The following ABTB3 variants were observed in gnomAD, a reference collection of about 807,000 sequenced individuals.
ABTB3 encodes the protein ankyrin repeat- and BTB/POZ domain-containing protein 3.
the ABTB3 span, among the ~76,000 whole-genome samples, chr12:107,495,218 G>C: frequency 6.6e-6 from 1 of 152,182 alleles, no homozygotes; most frequent in African/African-American, 2.4e-5. Flanking sequence ...GTTACATTTG[G>C]CCTTAGCATC....
At chr12:107,475,133 C>T in the ABTB3 span, among the ~76,000 whole-genome samples, 14 of 152,224 alleles carry the variant, frequency 9.2e-5, no homozygotes, top group African/African-American at 3.1e-4. Flanking sequence ...GCCTGGCTGC[C>T]TCTGGCTGCT....
At chr12:107,351,024 A>G in the ABTB3 span, among the ~76,000 whole-genome samples, 2 of 152,144 alleles carry the variant, frequency 1.3e-5, no homozygotes. Context: ...TTTGCTAGTA[A>G]GATTGGAAAC....
At chr12:107,377,388 TGAGAGAGAGA>T in the ABTB3 span, among the ~76,000 whole-genome samples, 2 of 140,382 alleles carry the variant, frequency 1.4e-5, no homozygotes, top group Non-Finnish European at 3.1e-5. Context: ...AACACTTCCT[TGAGAGAGAGA>T]GAGAGAGAGA....
the ABTB3 span, among the ~76,000 whole-genome samples, chr12:107,484,175 G>C: frequency 3.8e-3 from 576 of 152,300 alleles, 5 homozygotes; most frequent in African/African-American, 0.013. Flanking sequence ...TATATTAAGT[G>C]AAATAGATAG....
At chr12:107,596,299 A>G in the ABTB3 span, among the ~76,000 whole-genome samples, 1 of 152,214 alleles carries the variant, frequency 6.6e-6, no homozygotes, top group East Asian at 1.9e-4. Flanking sequence ...AGAACTGAGC[A>G]AGTGTATGCC....
the ABTB3 span, among the ~76,000 whole-genome samples, chr12:107,648,770 C>T: frequency 1.3e-3 from 191 of 152,046 alleles, 4 homozygotes; most frequent in Non-Finnish European, 1.8e-4. Flanking sequence ...GGGCCATGTT[C>T]GCAGGGGAAC....
At chr12:107,367,141 A>G in the ABTB3 span, among the ~76,000 whole-genome samples, 1,234 of 152,280 alleles carry the variant, frequency 8.1e-3, 7 homozygotes, top group Middle Eastern at 0.027. Flanking sequence ...CTTTATTGGA[A>G]GGTGCCTTCC....
chr12:107,318,821 A>C, the ABTB3 span: 2 of 1,113,356 alleles, frequency 1.8e-6, no homozygotes, highest in Non-Finnish European at 1.3e-6. Context: ...AGCAGCGGCT[A>C]GTGGAAAAGT....
the ABTB3 span, among the ~76,000 whole-genome samples, chr12:107,641,712 T>G: frequency 1.0e-3 from 153 of 152,158 alleles, no homozygotes; most frequent in African/African-American, 3.5e-3. Context: ...TGGAGCAAAA[T>G]GTGTTCCATG....
At chr12:107,383,637 G>A in the ABTB3 span, among the ~76,000 whole-genome samples, 12 of 152,276 alleles carry the variant, frequency 7.9e-5, no homozygotes, top group South Asian at 4.2e-4. Context: ...GGGGACAGGC[G>A]CCTGTTCTCT....
chr12:107,618,263 G>GC, the ABTB3 span: 3 of 1,613,454 alleles, frequency 1.9e-6, no homozygotes, highest in Non-Finnish European at 1.7e-6. Context: ...AGACAGCCCC[G>GC]CCCCCCTTGT....
the ABTB3 span, among the ~76,000 whole-genome samples, chr12:107,357,355 C>T: frequency 3.3e-5 from 5 of 152,174 alleles, no homozygotes; most frequent in African/African-American, 1.2e-4. Flanking sequence ...AATCTGTAAT[C>T]TCAGAGACTC....
chr12:107,431,162 G>A, the ABTB3 span, among the ~76,000 whole-genome samples: 1 of 152,244 alleles, frequency 6.6e-6, no homozygotes, highest in Admixed American at 6.5e-5. Flanking sequence ...ATTCTGTGCT[G>A]AGAAAAGGTC....
the ABTB3 span, among the ~76,000 whole-genome samples, chr12:107,580,360 T>C: frequency 6.6e-6 from 1 of 152,264 alleles, no homozygotes; most frequent in Non-Finnish European, 1.5e-5. Flanking sequence ...ATGGCACAAA[T>C]GCGTTGCACT....
At chr12:107,480,649 C>G in the ABTB3 span, among the ~76,000 whole-genome samples, 1 of 152,138 alleles carries the variant, frequency 6.6e-6, no homozygotes, top group African/African-American at 2.4e-5. Flanking sequence ...TCTGAAGGGT[C>G]GTGGCTCTAG....
At chr12:107,615,125 C>G in the ABTB3 span, 1 of 1,613,962 alleles carries the variant, frequency 6.2e-7, no homozygotes, top group Non-Finnish European at 8.5e-7. Context: ...ACGGCTCTGA[C>G]TTTTGCTGTG....
chr12:107,374,571 C>G, the ABTB3 span, among the ~76,000 whole-genome samples: 1 of 152,194 alleles, frequency 6.6e-6, no homozygotes, highest in Non-Finnish European at 1.5e-5. Flanking sequence ...CAGCTGGGAC[C>G]AGGATTCTTG....
At chr12:107,462,704 G>A in the ABTB3 span, among the ~76,000 whole-genome samples, 2 of 151,514 alleles carry the variant, frequency 1.3e-5, no homozygotes, top group East Asian at 2.0e-4. Context: ...GATGATGGTG[G>A]TGGTGATGAT....
the ABTB3 span, among the ~76,000 whole-genome samples, chr12:107,346,755 G>A: frequency 2.0e-5 from 3 of 152,226 alleles, no homozygotes; most frequent in Admixed American, 6.5e-5. Context: ...CACCATGCCC[G>A]GTGAGTCTGC....
Sources: gnomAD v4.1 joint callset for allele counts (sites outside exome capture counted in the v4.1 genomes callset) on GRCh38, gnomAD v4.1.1 for gene constraint, MANE v1.5 for transcripts, NCBI Gene and HGNC (gene_info 2026-07-23, HGNC 2026-07-21) for gene names.